ZNF324B: variants seen among roughly 807,000 people sequenced by gnomAD.
ZNF324B encodes the protein zinc finger protein 324B.
A neutral mutation model predicts 10.6 loss-of-function variants in ZNF324B; 7 were observed. The ratio of observed to expected loss-of-function variants is 0.66; its 90% CI spans 0.38 to 1.24. The LOEUF is 1.24. Ranked by LOEUF, ZNF324B falls within the 50% of genes most tolerant of loss-of-function variation. ZNF324B has a pLI of 0.02. For synonymous variants in ZNF324B, 316 were observed against 321.0 expected, an observed-to-expected ratio of 0.98 and a Z score of 0.17; for missense variants, 640 against 764.7, an observed-to-expected ratio of 0.84 and a Z score of 1.92.
rs1270835281 is a variant in ZNF324B at position 58,456,219 on chromosome 19, C to T, written c.1275C>T (p.Phe425=). 1.2e-6 allele frequency: 2 copies of T among 1,613,004 alleles called. No individual in the cohort carries two copies. The highest frequency in any genetic ancestry group is 1.3e-5 in the African/African-American group (1 of 74,940). The change falls in exon 4 of 4, where the codon TTC becomes TTT. Residue 425 remains phenylalanine (F), a synonymous_variant. Coordinates refer to ENST00000336614, the MANE Select transcript of ZNF324B (RefSeq NM_207395.3). The surrounding 1 kb of genome is among the most constrained non-coding windows in gnomAD (Gnocchi z 4.7). ...GCGTGCACACAGGCGAGAAGCCCTT[C>T]GCCTGCGCCCAGTGCGGCCGCTCCT... is the stretch of plus-strand genomic sequence containing the variant. ...HQRVHTGEKP[F]ACAQCGRSFS...
chr19:58,433,470 G>C, the ZNF324B span: 1 of 1,572,576 alleles, frequency 6.4e-7, no homozygotes, highest in Non-Finnish European at 8.6e-7. Context: ...TTCCACACTG[G>C]ATGCACTCAT....
At chr19:58,427,152 CGGAGTTTCACTCTTGTTGCCCAGGCT>C in the ZNF324B span, among the ~76,000 whole-genome samples, 1 of 151,216 alleles carries the variant, frequency 6.6e-6, no homozygotes, top group Admixed American at 6.6e-5. Flanking sequence ...TTTTTTGAGA[CGGAGTTTCACTCTTGTTGCCCAGGCT>C]GGAGTGCAAT....
the ZNF324B span, chr19:58,432,720 T>C: frequency 6.0e-6 from 1 of 167,666 alleles, no homozygotes; most frequent in Non-Finnish European, 1.3e-5. Flanking sequence ...TCTTCTACTG[T>C]GCCCTTAGGC....
At chr19:58,435,308 G>A in the ZNF324B span, 3 of 1,399,296 alleles carry the variant, frequency 2.1e-6, no homozygotes, top group Admixed American at 2.4e-5. Flanking sequence ...CCCAAGAAGA[G>A]GTCCCAGGGA....
the ZNF324B span, among the ~76,000 whole-genome samples, chr19:58,426,246 T>G: frequency 1.3e-5 from 2 of 152,070 alleles, no homozygotes; most frequent in Non-Finnish European, 2.9e-5. Context: ...ATGTCAAAAT[T>G]GGGGTCCAAG....
At position 58,453,679 on chromosome 19, in the gene ZNF324B, C is replaced by A. The variant is rs779909142; in HGVS notation, c.-6-17C>A. On this transcript the variant is annotated splice_polypyrimidine_tract_variant and intron_variant, in intron 1 of 3. Coordinates refer to ENST00000336614, the MANE Select transcript of ZNF324B (RefSeq NM_207395.3). ...ATACCTTAGACCATGCCTACCTCCA[C>A]CTCCCTGCTGTTTTAGGACCTGATG... 3 of 1,614,172 alleles carry A rather than the reference C, an allele frequency of 1.9e-6. No homozygotes were observed. The South Asian group carries it at 3.3e-5, about 18-fold the overall frequency.
Position 58,455,772 on chromosome 19 carries a change from A to G in ZNF324B, c.828A>G (p.Leu276=). The change falls in exon 4 of 4, where the codon CTA becomes CTG. Residue 276 remains leucine (L), a synonymous_variant. Coordinates refer to ENST00000336614, the MANE Select transcript of ZNF324B (RefSeq NM_207395.3). This position sits in a 1 kb window ranked among gnomAD's most constrained non-coding sequence, Gnocchi z 7.0. ...FVKSSDLLKH[L]RTHTGERPYE... is the part of the protein sequence containing the mutation. ...AGAGCTCCGACCTCCTCAAGCACCT[A>G]CGCACCCACACCGGGGAGCGGCCCT... The G allele has an allele frequency of 6.2e-7, 1 of 1,614,046 alleles. No homozygotes were observed. The highest frequency in any genetic ancestry group is 8.5e-7 in the Non-Finnish European group (1 of 1,180,008).
the ZNF324B span, among the ~76,000 whole-genome samples, chr19:58,427,385 T>TTC: frequency 4.4e-5 from 2 of 45,576 alleles, no homozygotes; most frequent in Admixed American, 2.3e-4. Context: ...TTTCTTTCTT[T>TTC]CTTTCTTTCT....
chr19:58,424,696 C>T, the ZNF324B span, among the ~76,000 whole-genome samples: 7 of 152,014 alleles, frequency 4.6e-5, no homozygotes, highest in African/African-American at 1.4e-4. Flanking sequence ...ACATAAAAGC[C>T]GGGTATGGTG....
rs755358662 is a variant in ZNF324B at position 58,455,751 on chromosome 19, C to T, written c.807C>T (p.Ser269=). Reference sequence around the variant, plus strand: ...CGTGCAGCAAAGTGTTCGTGAAGAGCTCCGACCTCCTCAAGCACCTACGCA... The same window carrying T: ...CGTGCAGCAAAGTGTTCGTGAAGAGTTCCGACCTCCTCAAGCACCTACGCA... ...CRACSKVFVK[S]SDLLKHLRTH... Residue 269 remains serine, a synonymous_variant, in exon 4 of 4, where the codon AGC becomes AGT. Coordinates refer to ENST00000336614, the MANE Select transcript of ZNF324B (RefSeq NM_207395.3). The surrounding 1 kb of genome is among the most constrained non-coding windows in gnomAD (Gnocchi z 7.0). 1.9e-6 allele frequency: 3 copies of T among 1,613,986 alleles called. No individual in the cohort carries two copies. The highest frequency in any genetic ancestry group is 2.2e-5 in the South Asian group (2 of 91,082).
At chr19:58,439,813 C>T in the ZNF324B span, 2 of 1,544,896 alleles carry the variant, frequency 1.3e-6, no homozygotes, top group Non-Finnish European at 1.7e-6. Context: ...GTGGGCTGGG[C>T]AGGGCCATAA....
At chr19:58,425,296 C>G in the ZNF324B span, among the ~76,000 whole-genome samples, 1 of 151,942 alleles carries the variant, frequency 6.6e-6, no homozygotes, top group East Asian at 1.9e-4. Context: ...ATTGCCCAGG[C>G]TGGTCTTAAA....
chr19:58,425,564 G>A, the ZNF324B span, among the ~76,000 whole-genome samples: 12 of 151,110 alleles, frequency 7.9e-5, no homozygotes, highest in Non-Finnish European at 2.9e-5. Flanking sequence ...TCTGCCTGCC[G>A]GGTTCAAGCA....
At chr19:58,433,082 C>A in the ZNF324B span, 1 of 477,754 alleles carries the variant, frequency 2.1e-6, no homozygotes, top group Non-Finnish European at 3.8e-6. Flanking sequence ...TGCATGAGGA[C>A]AGGACTGCTG....
chr19:58,427,867 G>A, the ZNF324B span, among the ~76,000 whole-genome samples: 2 of 152,062 alleles, frequency 1.3e-5, no homozygotes, highest in South Asian at 2.1e-4. Flanking sequence ...CTCTGATGAC[G>A]TGTCTACCCT....
the ZNF324B span, among the ~76,000 whole-genome samples, chr19:58,421,658 C>A: frequency 6.6e-6 from 1 of 152,030 alleles, no homozygotes; most frequent in South Asian, 2.1e-4. Context: ...TGATTACAGG[C>A]GTGAGCCACC....
At chr19:58,450,877 A>G (rs555556320), upstream of ZNF324B, among the ~76,000 whole-genome samples, 1 of 152,214 alleles carries the variant, frequency 6.6e-6, no homozygotes, top group Non-Finnish European at 1.5e-5. Context: ...AAAGACACTT[A>G]GATTGGTCCA....
At chr19:58,450,118 T>C (rs962435899), upstream of ZNF324B, among the ~76,000 whole-genome samples, 7 of 152,156 alleles carry the variant, frequency 4.6e-5, no homozygotes, top group African/African-American at 1.7e-4. Context: ...CGAGATCTGA[T>C]GGTTTCATAA....
chr19:58,435,288 G>A, the ZNF324B span: 3 of 1,504,168 alleles, frequency 2.0e-6, no homozygotes, highest in Non-Finnish European at 2.7e-6. Flanking sequence ...ATGTTACCCA[G>A]GAATTCACAC....
Sources: gnomAD v4.1 joint callset for allele counts (sites outside exome capture counted in the v4.1 genomes callset) on GRCh38, gnomAD v4.1.1 for gene constraint, Gnocchi (gnomAD v3.1) non-coding constraint, MANE v1.5 for transcripts, NCBI Gene and HGNC (gene_info 2026-07-23, HGNC 2026-07-21) for gene names.